SYT6: variants seen among roughly 807,000 people sequenced by gnomAD.
SYT6 encodes synaptotagmin-6.
In SYT6, 24 loss-of-function variants were observed where a neutral mutation model predicts 38.4. That is an observed-to-expected ratio of 0.62 (90% CI 0.45 to 0.88). The LOEUF (loss-of-function observed/expected upper bound fraction) is 0.88, where lower values mean the gene tolerates loss of function less well. Ranked by LOEUF, SYT6 falls within the 40% of genes least tolerant of loss-of-function variation. The pLI, the probability that SYT6 is intolerant of heterozygous loss-of-function variation, is 0.00. For missense variants in SYT6, 611 were observed against 621.0 expected, an observed-to-expected ratio of 0.98 and a Z score of 0.17; for synonymous variants, 265 against 241.9, an observed-to-expected ratio of 1.10 and a Z score of -0.89.
chr1:114,128,068 C>G (rs1677846933), intron 3 of SYT6, among the ~76,000 whole-genome samples: 1 of 152,246 alleles, frequency 6.6e-6, no homozygotes, highest in Non-Finnish European at 1.5e-5. Flanking sequence ...GACTGGCCAT[C>G]TTCATGCATT....
At chr1:114,116,426 A>G (rs1367763245) in intron 3 of SYT6, among the ~76,000 whole-genome samples, 1 of 152,178 alleles carries the variant, frequency 6.6e-6, no homozygotes, top group Non-Finnish European at 1.5e-5. Flanking sequence ...CAGGACTGGG[A>G]GGAGGAAACC....
Position 114,137,831 on chromosome 1 carries a change from G to T in SYT6, c.735C>A (p.Thr245=). The part of the protein sequence containing the change: ...FSLRYDYETE[T]LIVRILKAFD... ...AAGCCTTCAGGATACGCACAATCAGGGTCTCGGTCTCGTAATCGTAGCGTA... is the reference window on the plus strand; with the variant it reads ...AAGCCTTCAGGATACGCACAATCAGTGTCTCGGTCTCGTAATCGTAGCGTA... Residue 245 remains threonine (T), a synonymous_variant, in exon 3 of 8, where the codon ACC becomes ACA. Coordinates refer to ENST00000610222, the MANE Select transcript of SYT6 (RefSeq NM_001253772.2). 6.2e-7 allele frequency: 1 copy of T among 1,614,068 alleles called. No individual in the cohort carries two copies. The highest frequency in any genetic ancestry group is 1.7e-5 in the Admixed American group (1 of 60,014).
At chr1:114,099,562 A>G (rs566541795) in intron 4 of SYT6, among the ~76,000 whole-genome samples, 2 of 152,328 alleles carry the variant, frequency 1.3e-5, no homozygotes, top group South Asian at 2.1e-4. Flanking sequence ...GCCGATAGGT[A>G]TGCAGTTCAC....
rs879290698 is a variant in SYT6 at position 114,136,331 on chromosome 1, CT to C, written c.1071+1163del. ...GTCTGCAGACAGAGTGGGGTTGCCCCTCCTCAGAGATATAGTGGAGGAAATA... is the reference window on the plus strand; with the variant it reads ...GTCTGCAGACAGAGTGGGGTTGCCCCCCTCAGAGATATAGTGGAGGAAATA... On this transcript the variant is annotated intron_variant, in intron 3 of 7. Coordinates refer to ENST00000610222, the MANE Select transcript of SYT6 (RefSeq NM_001253772.2). Among the ~76,000 whole-genome samples the C allele has an allele frequency of 5.8e-4, 89 of 152,190 alleles. 3 individuals carry two copies. The highest frequency in any genetic ancestry group is 8.8e-5 in the Non-Finnish European group (6 of 68,036).
chr1:114,148,093 G>A (rs1281077346), intron 1 of SYT6, among the ~76,000 whole-genome samples: 2 of 152,120 alleles, frequency 1.3e-5, no homozygotes, highest in Non-Finnish European at 2.9e-5. Context: ...CTGTCTGGTT[G>A]GGGTGATGGC....
intron 6 of SYT6, among the ~76,000 whole-genome samples, chr1:114,095,505 G>A (rs1185611355): frequency 2.0e-5 from 3 of 152,264 alleles, no homozygotes; most frequent in Admixed American, 1.3e-4. Flanking sequence ...GGGTTATTGC[G>A]GATTGAAGAT....
rs149047400 is a variant in SYT6, at chr1:114,143,557, C to CGTGTGT, written c.164-3595_164-3594insACACAC. ...ATATAAGTTATATATAACTTATGTGCATGTGTGTGTGTGTGTGTATATATA... is the reference window on the plus strand; with the variant it reads ...ATATAAGTTATATATAACTTATGTGCGTGTGTATGTGTGTGTGTGTGTGTATATATA... On this transcript the variant is annotated intron_variant, in intron 1 of 7. Transcript: ENST00000610222. 4.8e-3 allele frequency among the ~76,000 whole-genome samples: 706 copies of CGTGTGT among 147,098 alleles called. 9 individuals are homozygous for CGTGTGT. Among genetic ancestry groups the CGTGTGT allele is most frequent in the African/African-American group, 0.017 (673 of 39,926 alleles).
chr1:114,102,242 T>C (rs1442965948), intron 4 of SYT6, among the ~76,000 whole-genome samples: 1 of 152,232 alleles, frequency 6.6e-6, no homozygotes, highest in Non-Finnish European at 1.5e-5. Context: ...AAATCTACAT[T>C]GGCTGTATTT....
intron 1 of SYT6, among the ~76,000 whole-genome samples, chr1:114,148,152 C>T (rs527801895): frequency 6.6e-6 from 1 of 152,296 alleles, no homozygotes; most frequent in Non-Finnish European, 1.5e-5. Flanking sequence ...TAAATAGCAG[C>T]TCAGGGCTTT....
At chr1:114,111,849 G>T (rs1164460147) in intron 3 of SYT6, among the ~76,000 whole-genome samples, 1 of 151,848 alleles carries the variant, frequency 6.6e-6, no homozygotes, top group East Asian at 1.9e-4. Flanking sequence ...GGAGAGAGGA[G>T]CTGTGGGAGT....
At chr1:114,095,341 A>G (rs1675567414) in intron 6 of SYT6, among the ~76,000 whole-genome samples, 1 of 152,166 alleles carries the variant, frequency 6.6e-6, no homozygotes, top group South Asian at 2.1e-4. Context: ...GGAATCAATT[A>G]TTTGGCTTAA....
Position 114,133,862 on chromosome 1 carries a change from G to A in SYT6, c.1071+3633C>T, listed in dbSNP as rs534680184. On this transcript the variant is annotated intron_variant, in intron 3 of 7. Coordinates refer to ENST00000610222, the MANE Select transcript of SYT6 (RefSeq NM_001253772.2). ...GCTTAAGATTTGCAATTAACAAAGA[G>A]CTAGACTCCTCGGATGTGTACCTCC... is the stretch of plus-strand genomic sequence containing the variant. Among the ~76,000 whole-genome samples, 29 of 152,244 alleles carry A rather than the reference G, an allele frequency of 1.9e-4. 1 individual carries two copies. Among genetic ancestry groups the A allele is most frequent in the African/African-American group, 6.7e-4 (28 of 41,540 alleles).
intron 3 of SYT6, among the ~76,000 whole-genome samples, chr1:114,106,627 G>T (rs893550927): frequency 6.6e-6 from 1 of 152,000 alleles, no homozygotes; most frequent in Non-Finnish European, 1.5e-5. Context: ...GCTCCACATG[G>T]CTGGTATATT....
intron 3 of SYT6, among the ~76,000 whole-genome samples, chr1:114,124,711 G>A (rs774282325): frequency 6.6e-6 from 1 of 152,158 alleles, no homozygotes; most frequent in African/African-American, 2.4e-5. Flanking sequence ...GTGGCAGAAG[G>A]GACTATGATC....
At chr1:114,096,714 T>C (rs76527912) in intron 6 of SYT6, among the ~76,000 whole-genome samples, 2,229 of 152,322 alleles carry the variant, frequency 0.015, 54 homozygotes, top group African/African-American at 0.051. Flanking sequence ...GTTTTGAAGG[T>C]GACTCCAATT....
intron 6 of SYT6, among the ~76,000 whole-genome samples, chr1:114,094,547 T>G (rs186445566): frequency 1.3e-4 from 20 of 152,280 alleles, no homozygotes; most frequent in African/African-American, 4.6e-4. Flanking sequence ...CTCAATGAAT[T>G]TTTATTTATG....
intron 4 of SYT6, among the ~76,000 whole-genome samples, chr1:114,102,188 G>A (rs1419456156): frequency 6.6e-6 from 1 of 152,208 alleles, no homozygotes; most frequent in East Asian, 1.9e-4. Flanking sequence ...AGAGTCTTCA[G>A]TGAATTTTCT....
At chr1:114,129,620 T>TCTTTCTTTCTTTC (rs1678003948) in intron 3 of SYT6, among the ~76,000 whole-genome samples, 5 of 63,440 alleles carry the variant, frequency 7.9e-5, no homozygotes, top group African/African-American at 1.1e-4. Context: ...TTCTTTCCTT[T>TCTTTCTTTCTTTC]CTTTCTTTCT....
At chr1:114,114,425 A>G (rs1676871260) in intron 3 of SYT6, among the ~76,000 whole-genome samples, 1 of 152,194 alleles carries the variant, frequency 6.6e-6, no homozygotes, top group Non-Finnish European at 1.5e-5. Flanking sequence ...CACCTGGTTA[A>G]GGTGGCAAAA....
Sources: gnomAD v4.1 joint callset for allele counts (sites outside exome capture counted in the v4.1 genomes callset) on GRCh38, gnomAD v4.1.1 for gene constraint, MANE v1.5 for transcripts, NCBI Gene and HGNC (gene_info 2026-07-23, HGNC 2026-07-21) for gene names.